The following APIP variants were observed in gnomAD, a reference collection of about 807,000 sequenced individuals.
APIP encodes methylthioribulose-1-phosphate dehydratase.
A neutral mutation model predicts 32.0 loss-of-function variants in APIP; 32 were observed. The ratio of observed to expected loss-of-function variants is 1.00; its 90% CI spans 0.76 to 1.34. The LOEUF (loss-of-function observed/expected upper bound fraction) is 1.34. Among genes scored for constraint, APIP ranks in the 40% most tolerant of loss-of-function variants. The probability of loss-of-function intolerance (pLI) is 0.00; values close to 1 mark genes in which losing one functional copy is unlikely to be tolerated. For synonymous variants in APIP, 92 were observed against 94.8 expected (o/e 0.97, Z 0.17); for missense variants, 247 against 298.6 (o/e 0.83, Z 1.27).
Position 34,895,089 on chromosome 11 carries a change from G to A in APIP, c.79C>T (p.Leu27=). 1.2e-6 allele frequency: 2 copies of A among 1,613,956 alleles called. No individual in the cohort carries two copies. The highest frequency in any genetic ancestry group is 2.2e-5 in the South Asian group (2 of 91,082). The change falls in exon 2 of 7, where the codon CTG becomes TTG. Residue 27 remains leucine, a synonymous_variant. Transcript: ENST00000395787. ...GAQDKEHPRY[L]IPELCKQFYH... ...AACTGTTTGCAAAGTTCTGGGATCA[G>A]GTATCTTGGATGCTCCTTGTCCTTA...
At chr11:34,890,616 T>C in intron 2 of APIP, 64 bp from the exon 3 acceptor site, 1 of 1,548,234 alleles carries the variant, frequency 6.5e-7, no homozygotes, top group Non-Finnish European at 8.9e-7. Flanking sequence ...AAGAAAAGTT[T>C]GCAGTCCAAT....
chr11:34,893,574 T>C (rs1466871890), intron 2 of APIP, among the ~76,000 whole-genome samples: 8 of 152,210 alleles, frequency 5.3e-5, no homozygotes. Flanking sequence ...CAATGCTGTA[T>C]TTACACATTA....
rs371980441 is a variant in APIP at position 34,915,639 on chromosome 11, C to T, written c.57+589G>A. On this transcript the variant is annotated intron_variant, in intron 1 of 6. Transcript: ENST00000395787. ...GTTGGTTTGTGTAAATGACCGAAAACTACATGCAGCGTGAGGGTGGATTTC... is the reference window on the plus strand; with the variant it reads ...GTTGGTTTGTGTAAATGACCGAAAATTACATGCAGCGTGAGGGTGGATTTC... Among the ~76,000 whole-genome samples the T allele has an allele frequency of 2.6e-5, 4 of 152,336 alleles. No homozygotes were observed. The East Asian group carries it at 7.7e-4, about 29-fold the overall frequency.
chr11:34,888,649 A>G, intron 4 of APIP, 103 bp downstream of exon 4: 1 of 1,151,952 alleles, frequency 8.7e-7, no homozygotes, highest in Non-Finnish European at 1.2e-6. Flanking sequence ...AAGTTCTTGC[A>G]CATGGTGGGT....
intron 3 of APIP, 87 bp downstream of exon 3, chr11:34,890,417 G>GAATGTTTTCTCTTA (rs1242031724): frequency 1.8e-5 from 23 of 1,280,840 alleles, no homozygotes; most frequent in Non-Finnish European, 2.5e-5. Flanking sequence ...ATGATAAAAT[G>GAATGTTTTCTCTTA]AATGTTTTCT....
At chr11:34,913,113 T>G (rs1410278448) in intron 1 of APIP, among the ~76,000 whole-genome samples, 1 of 152,174 alleles carries the variant, frequency 6.6e-6, no homozygotes, top group Non-Finnish European at 1.5e-5. Context: ...CTACAGCATC[T>G]CTTGCTTGGA....
Position 34,916,338 on chromosome 11 carries a change from G to T in APIP, c.-54C>A. ...CAATCTCCGCACGGCTTTGCGCGCG[G>T]CGCTTAGCCTGGGATACGGCAGCGA... is the stretch of plus-strand genomic sequence containing the variant. On this transcript the variant is annotated 5_prime_UTR_variant, in exon 1 of 7. Transcript: ENST00000395787. 1 of 1,598,926 alleles carries T rather than the reference G, an allele frequency of 6.3e-7. No homozygotes were observed. Among genetic ancestry groups the T allele is most frequent in the Non-Finnish European group, 8.5e-7 (1 of 1,173,160 alleles).
intron 1 of APIP, among the ~76,000 whole-genome samples, chr11:34,910,908 A>G (rs2133924095): frequency 6.6e-6 from 1 of 152,242 alleles, no homozygotes; most frequent in South Asian, 2.1e-4. Flanking sequence ...AGAAGTTCAC[A>G]CCTAATAGCT....
intron 1 of APIP, among the ~76,000 whole-genome samples, chr11:34,901,457 G>T (rs1297288480): frequency 6.6e-6 from 1 of 152,040 alleles, no homozygotes; most frequent in Non-Finnish European, 1.5e-5. Context: ...GGAACCTTGG[G>T]TGATTCTGGA....
At chr11:34,885,179 T>C (rs948969933) in intron 5 of APIP, among the ~76,000 whole-genome samples, 3 of 148,278 alleles carry the variant, frequency 2.0e-5, no homozygotes, top group African/African-American at 4.9e-5. Flanking sequence ...TATAACTATA[T>C]ATGTATATAT....
At chr11:34,897,850 A>G (rs1853304120) in intron 1 of APIP, among the ~76,000 whole-genome samples, 1 of 152,038 alleles carries the variant, frequency 6.6e-6, no homozygotes, top group Non-Finnish European at 1.5e-5. Flanking sequence ...TGAGTGACAT[A>G]CCTGGTCAAA....
intron 3 of APIP, 46 bp downstream of exon 3, chr11:34,890,458 A>T: frequency 6.5e-7 from 1 of 1,537,308 alleles, no homozygotes; most frequent in Non-Finnish European, 8.8e-7. Context: ...ATAAAACAGT[A>T]ATTAAGAAGA....
intron 1 of APIP, among the ~76,000 whole-genome samples, chr11:34,901,946 C>T (rs1853377258): frequency 6.6e-6 from 1 of 152,130 alleles, no homozygotes; most frequent in Non-Finnish European, 1.5e-5. Flanking sequence ...AGATGCAGGG[C>T]CTCCTCAAAC....
At chr11:34,887,681 T>C (rs781718117) in intron 5 of APIP, among the ~76,000 whole-genome samples, 2 of 152,176 alleles carry the variant, frequency 1.3e-5, no homozygotes, top group Non-Finnish European at 2.9e-5. Flanking sequence ...ATGAAATGCT[T>C]AGCTTGTCCC....
intron 1 of APIP, among the ~76,000 whole-genome samples, chr11:34,902,109 G>A (rs941969493): frequency 6.6e-6 from 1 of 152,160 alleles, no homozygotes; most frequent in Non-Finnish European, 1.5e-5. Context: ...TCAAATACCT[G>A]AGGGAACTAA....
rs182773492 is a variant in APIP at position 34,890,600 on chromosome 11, T to A, written c.159-48A>T. On this transcript the variant is annotated intron_variant, in intron 2 of 6. Coordinates refer to ENST00000395787, the MANE Select transcript of APIP (RefSeq NM_015957.4). ...TTGGTATTTATTTATTTCCTGCTTT[T>A]GCACAAAGAAAAGTTTGCAGTCCAA... The A allele has an allele frequency of 1.2e-4, 187 of 1,598,690 alleles. 2 individuals carry two copies. The East Asian group carries it at 3.5e-3, about 30-fold the overall frequency.
Position 34,888,852 on chromosome 11 carries a change from A to G in APIP, c.225T>C (p.Val75=). The change falls in exon 4 of 7, where the codon GTT becomes GTC. Residue 75 remains valine (V), a synonymous_variant. Transcript: ENST00000395787. ...KERIQPEDMF[V]CDINEKDISG... ...TTATGTCCTTTTCATTTATATCACA[A>G]ACAAACATGTCTTCAGGCTATTTAT... 6.7e-7 allele frequency: 1 copy of G among 1,491,148 alleles called. No homozygotes were observed. Among genetic ancestry groups the G allele is most frequent in the Non-Finnish European group, 8.8e-7 (1 of 1,130,036 alleles). 92.4% of individuals were successfully genotyped at this position (1,491,148 alleles called of 1,614,324 possible). A position where few individuals can be genotyped will look rare whatever the true frequency, so the allele number is the denominator to read the frequency against.
At chr11:34,906,238 A>C (rs1853452621) in intron 1 of APIP, among the ~76,000 whole-genome samples, 1 of 152,138 alleles carries the variant, frequency 6.6e-6, no homozygotes, top group Non-Finnish European at 1.5e-5. Flanking sequence ...CTATAGTAGC[A>C]CTAGTTCCTG....
At chr11:34,896,620 T>C (rs1417902053) in intron 1 of APIP, 2 of 402,868 alleles carry the variant, frequency 5.0e-6, no homozygotes, top group Admixed American at 3.4e-5. Context: ...ATACCTAACA[T>C]AGATGATGAG....
Sources: allele counts gnomAD v4.1 joint callset (sites outside exome capture counted in the v4.1 genomes callset), GRCh38; gene constraint gnomAD v4.1.1; transcripts MANE v1.5; gene names NCBI Gene and HGNC (gene_info 2026-07-23, HGNC 2026-07-21).